The following SLC4A10 variants were observed in gnomAD, a reference collection of about 807,000 sequenced individuals.
The protein encoded by SLC4A10 is solute carrier family 4 member 10.
In SLC4A10, 42 loss-of-function variants were observed where a neutral mutation model predicts 137.7. The observed-to-expected ratio is 0.30, with a 90% confidence interval of 0.24 to 0.39. The LOEUF (loss-of-function observed/expected upper bound fraction) is 0.39. Ranked by LOEUF, SLC4A10 falls within the 10% of genes least tolerant of loss-of-function variation. SLC4A10 has a pLI of 1.00. For missense variants in SLC4A10, 925 were observed against 1,355.0 expected (o/e 0.68, Z 4.98); for synonymous variants, 474 against 464.1 (o/e 1.02, Z -0.27).
intron 1 of SLC4A10, among the ~76,000 whole-genome samples, chr2:161,700,443 A>G (rs2043006320): frequency 6.6e-6 from 1 of 152,094 alleles, no homozygotes; most frequent in Non-Finnish European, 1.5e-5. Flanking sequence ...GGAAAGAAGA[A>G]GGAACTGATC....
intron 3 of SLC4A10, among the ~76,000 whole-genome samples, chr2:161,806,459 T>G (rs1429915407): frequency 3.3e-5 from 5 of 152,168 alleles, no homozygotes; most frequent in African/African-American, 2.4e-5. Flanking sequence ...ATCCTTTGCT[T>G]CCTTTATAAA....
At chr2:161,796,686 T>C (rs942745239) in intron 2 of SLC4A10, among the ~76,000 whole-genome samples, 4 of 152,212 alleles carry the variant, frequency 2.6e-5, no homozygotes, top group African/African-American at 9.6e-5. Flanking sequence ...TAAACATCTA[T>C]ACAGAAATGC....
At chr2:161,901,862 C>A (rs1683186429) in intron 12 of SLC4A10, among the ~76,000 whole-genome samples, 2 of 152,094 alleles carry the variant, frequency 1.3e-5, no homozygotes, top group African/African-American at 4.8e-5. Flanking sequence ...TTTTCCTTTT[C>A]CCTTCACTGG....
chr2:161,836,514 AAG>A (rs1559358541), intron 3 of SLC4A10, among the ~76,000 whole-genome samples: 11 of 135,792 alleles, frequency 8.1e-5, no homozygotes, highest in African/African-American at 3.1e-4. Flanking sequence ...AAAAGAAAGA[AAG>A]AAAGAGAGAG....
chr2:161,906,191 G>A (rs1294217486), intron 15 of SLC4A10, among the ~76,000 whole-genome samples: 1 of 152,118 alleles, frequency 6.6e-6, no homozygotes, highest in Non-Finnish European at 1.5e-5. Context: ...TTTTACCTTA[G>A]CGAAATATAT....
chr2:161,942,069 A>G (rs949920277), intron 15 of SLC4A10, among the ~76,000 whole-genome samples: 1 of 152,180 alleles, frequency 6.6e-6, no homozygotes, highest in Non-Finnish European at 1.5e-5. Context: ...GACCAAGTAG[A>G]AACTATACGA....
At chr2:161,791,651 G>A (rs928976046) in intron 2 of SLC4A10, among the ~76,000 whole-genome samples, 1 of 152,054 alleles carries the variant, frequency 6.6e-6, no homozygotes, top group Non-Finnish European at 1.5e-5. Context: ...ATTAAAAAAC[G>A]AAATTACTTT....
intron 1 of SLC4A10, among the ~76,000 whole-genome samples, chr2:161,627,087 A>G (rs2032541915): frequency 6.6e-6 from 1 of 152,202 alleles, no homozygotes; most frequent in Admixed American, 6.5e-5. Context: ...TTTTGGAATC[A>G]GTTAAATAAC....
intron 1 of SLC4A10, among the ~76,000 whole-genome samples, chr2:161,739,317 G>A (rs1034357472): frequency 1.3e-5 from 2 of 152,082 alleles, no homozygotes; most frequent in Non-Finnish European, 2.9e-5. Flanking sequence ...CACTTTTGAA[G>A]GCATGTAAGC....
intron 2 of SLC4A10, among the ~76,000 whole-genome samples, chr2:161,795,767 G>T (rs958469550): frequency 1.3e-5 from 2 of 151,962 alleles, no homozygotes; most frequent in African/African-American, 4.8e-5. Flanking sequence ...ATTTTGTGAA[G>T]ATTAAATGAG....
chr2:161,974,258 A>C lies in SLC4A10; in HGVS notation c.3169A>C (p.Ser1057Arg), dbSNP rs1193887507. 6.2e-7 allele frequency: 1 copy of C among 1,606,408 alleles called. No homozygotes were observed. Among genetic ancestry groups the C allele is most frequent in the Non-Finnish European group, 8.5e-7 (1 of 1,176,430 alleles). Reference protein sequence around the residue: ...LEDAEKEEEQSMLAMEDEGTV... With the variant: ...LEDAEKEEEQRMLAMEDEGTV... ...ACATTTGTCTTTTCAGGAAGAACAA[A>C]GTATGCTAGCTATGGAAGATGAGGG... is the stretch of plus-strand genomic sequence containing the variant. The change falls in exon 24 of 27, where the codon AGT becomes CGT. Residue 1057 changes from serine to arginine, a missense_variant. Coordinates refer to ENST00000446997, the MANE Select transcript of SLC4A10 (RefSeq NM_001178015.2).
At chr2:161,881,705 G>T (rs1193891715) in intron 9 of SLC4A10, among the ~76,000 whole-genome samples, 1 of 151,908 alleles carries the variant, frequency 6.6e-6, no homozygotes, top group African/African-American at 2.4e-5. Context: ...AGTATCTATT[G>T]ATTTCTTTAA....
intron 6 of SLC4A10, among the ~76,000 whole-genome samples, chr2:161,868,824 T>C (rs1190547349): frequency 6.6e-6 from 1 of 151,714 alleles, no homozygotes; most frequent in Non-Finnish European, 1.5e-5. Flanking sequence ...AGTTTTTTAA[T>C]AACTTACCAT....
rs1158466836 is a variant in SLC4A10 at position 161,945,180 on chromosome 2, G to GTGTGTGTATA, written c.2103+2286_2103+2287insGTGTATATGT. On this transcript the variant is annotated intron_variant, in intron 16 of 26. Transcript: ENST00000446997. Reference sequence around the variant, plus strand: ...GGCAAACTGGAGTACTTAAGTTTGTGTGTATATATATATATATATATATAT... The same window carrying GTGTGTGTATA: ...GGCAAACTGGAGTACTTAAGTTTGTGTGTGTGTATATGTATATATATATATATATATATAT... Among the ~76,000 whole-genome samples the GTGTGTGTATA allele has an allele frequency of 5.3e-5, 5 of 94,738 alleles. No homozygotes were observed. The East Asian group carries it at 1.7e-3, about 32-fold the overall frequency. The allele number at this position is 94,738 out of a possible 152,430, so 62.2% of individuals were successfully genotyped here. A position where few individuals can be genotyped will look rare whatever the true frequency, so the allele number is the denominator to read the frequency against.
intron 10 of SLC4A10, among the ~76,000 whole-genome samples, chr2:161,889,753 T>C (rs1192410409): frequency 6.6e-6 from 1 of 152,184 alleles, no homozygotes; most frequent in East Asian, 1.9e-4. Context: ...CACTGATTTT[T>C]TTGAAGGGTT....
At chr2:161,964,555 G>A (rs867982802) in intron 22 of SLC4A10, among the ~76,000 whole-genome samples, 1 of 152,062 alleles carries the variant, frequency 6.6e-6, no homozygotes. Flanking sequence ...AAGCTGGATG[G>A]AAAAATGCAT....
rs949781569 is a variant in SLC4A10, at chr2:161,823,621, T to C, written c.278-16168T>C. Among the ~76,000 whole-genome samples, 12 of 152,246 alleles carry C rather than the reference T, an allele frequency of 7.9e-5. 1 individual carries two copies. Among genetic ancestry groups the C allele is most frequent in the Admixed American group, 5.9e-4 (9 of 15,282 alleles). The stretch of plus-strand genomic sequence containing the variant: ...AGACAAAGTTGAATTGCTTGACATG[T>C]ACTGCAGATTGAGGTTTGCAGCAGT... On this transcript the variant is annotated intron_variant, in intron 3 of 26. Coordinates refer to ENST00000446997, the MANE Select transcript of SLC4A10 (RefSeq NM_001178015.2).
chr2:161,960,156 G>A (rs925162691), intron 21 of SLC4A10, among the ~76,000 whole-genome samples: 1 of 151,842 alleles, frequency 6.6e-6, no homozygotes, highest in African/African-American at 2.4e-5. Context: ...ATGAGGTCAA[G>A]AGATCGAGAA....
intron 22 of SLC4A10, 94 bp downstream of exon 22, chr2:161,964,402 C>A: frequency 7.8e-7 from 1 of 1,284,730 alleles, no homozygotes; most frequent in Non-Finnish European, 1.1e-6. Flanking sequence ...ACAACAGAGT[C>A]ATTTTGAACA....
Sources: gnomAD v4.1 joint callset for allele counts (sites outside exome capture counted in the v4.1 genomes callset) on GRCh38, gnomAD v4.1.1 for gene constraint, MANE v1.5 for transcripts, NCBI Gene and HGNC (gene_info 2026-07-23, HGNC 2026-07-21) for gene names.